The following ELAVL2 variants were observed in gnomAD, a reference collection of about 807,000 sequenced individuals.
ELAVL2 encodes ELAV-like protein 2.
A neutral mutation model predicts 34.6 loss-of-function variants in ELAVL2; 4 were observed. The ratio of observed to expected loss-of-function variants is 0.12; its 90% CI spans 0.06 to 0.26. The LOEUF is 0.26. Among genes scored for constraint, ELAVL2 ranks in the 10% least tolerant of loss-of-function variants. ELAVL2 has a pLI of 1.00. For missense variants in ELAVL2, 432 were observed against 442.8 expected, an observed-to-expected ratio of 0.98 and a Z score of 0.22; for synonymous variants, 193 against 154.8, an observed-to-expected ratio of 1.25 and a Z score of -1.83.
At chr9:23,789,042 C>T (rs2060035739) in intron 1 of ELAVL2, among the ~76,000 whole-genome samples, 1 of 152,200 alleles carries the variant, frequency 6.6e-6, no homozygotes, top group Non-Finnish European at 1.5e-5. Flanking sequence ...CCAACGGCTT[C>T]TGTATTCTTA....
intron 5 of ELAVL2, among the ~76,000 whole-genome samples, chr9:23,695,274 G>T (rs557652532): frequency 6.6e-6 from 1 of 152,110 alleles, no homozygotes; most frequent in African/African-American, 2.4e-5. Flanking sequence ...GAAGAGAACC[G>T]CATACTGAGG....
chr9:23,802,373 T>C (rs576888263), intron 1 of ELAVL2, among the ~76,000 whole-genome samples: 1 of 152,302 alleles, frequency 6.6e-6, no homozygotes, highest in African/African-American at 2.4e-5. Flanking sequence ...GCCCCAAGAC[T>C]TGGCCAAACT....
At chr9:23,726,455 A>C (rs761315795) in intron 3 of ELAVL2, among the ~76,000 whole-genome samples, 9 of 152,088 alleles carry the variant, frequency 5.9e-5, no homozygotes, top group Non-Finnish European at 1.0e-4. Flanking sequence ...TTCTAGACAG[A>C]ATTTTTTTTT....
chr9:23,765,471 A>C (rs1034745930), intron 1 of ELAVL2, among the ~76,000 whole-genome samples: 1 of 152,140 alleles, frequency 6.6e-6, no homozygotes, highest in Non-Finnish European at 1.5e-5. Context: ...ATGTGAATGA[A>C]ATTTTATAGT....
intron 3 of ELAVL2, among the ~76,000 whole-genome samples, chr9:23,729,060 C>A (rs2045929978): frequency 1.3e-5 from 2 of 152,260 alleles, no homozygotes; most frequent in South Asian, 4.1e-4. Flanking sequence ...GGATGATGAA[C>A]AGTAAGGAAG....
intron 4 of ELAVL2, 121 bp from the exon 5 acceptor site, chr9:23,701,725 C>A (rs1488673437): frequency 2.0e-6 from 2 of 1,019,074 alleles, no homozygotes; most frequent in Non-Finnish European, 2.9e-6. Flanking sequence ...TATAACATTT[C>A]CCACAAAATC....
chr9:23,754,350 CTT>C (rs1371032638), intron 2 of ELAVL2, among the ~76,000 whole-genome samples: 1 of 152,072 alleles, frequency 6.6e-6, no homozygotes, highest in African/African-American at 2.4e-5. Flanking sequence ...AGAAGCAGCT[CTT>C]TGATTTATGA....
intron 3 of ELAVL2, among the ~76,000 whole-genome samples, chr9:23,719,425 A>G (rs1431161095): frequency 6.6e-6 from 1 of 152,222 alleles, no homozygotes; most frequent in Non-Finnish European, 1.5e-5. Context: ...CATATACTGT[A>G]GACAATGCAT....
chr9:23,744,715 T>G (rs2050085440), intron 2 of ELAVL2, among the ~76,000 whole-genome samples: 1 of 152,022 alleles, frequency 6.6e-6, no homozygotes, highest in Non-Finnish European at 1.5e-5. Flanking sequence ...TATACTATTT[T>G]GGGCTTCTTT....
intron 1 of ELAVL2, among the ~76,000 whole-genome samples, chr9:23,770,285 A>G (rs937799004): frequency 2.0e-5 from 3 of 152,140 alleles, no homozygotes; most frequent in African/African-American, 4.8e-5. Flanking sequence ...CCAGCATTAA[A>G]CAAGCAGGCC....
upstream of ELAVL2, among the ~76,000 whole-genome samples, chr9:23,827,333 A>G (rs1435240552): frequency 1.3e-5 from 2 of 152,186 alleles, no homozygotes; most frequent in African/African-American, 4.8e-5. Flanking sequence ...CCATATTTTA[A>G]CAGCATTCAG....
At chr9:23,736,381 A>C (rs2047893268) in intron 2 of ELAVL2, among the ~76,000 whole-genome samples, 1 of 152,222 alleles carries the variant, frequency 6.6e-6, no homozygotes, top group African/African-American at 2.4e-5. Flanking sequence ...AAAGGAGAAA[A>C]AGATCTTTCT....
intron 2 of ELAVL2, among the ~76,000 whole-genome samples, chr9:23,752,609 C>T (rs1051186208): frequency 2.0e-5 from 3 of 152,010 alleles, no homozygotes; most frequent in African/African-American, 7.2e-5. Flanking sequence ...CACCCAGCAC[C>T]AAGTCTAGCT....
chr9:23,711,036 T>C (rs1477768716), intron 3 of ELAVL2, among the ~76,000 whole-genome samples: 2 of 152,176 alleles, frequency 1.3e-5, no homozygotes, highest in African/African-American at 4.8e-5. Context: ...CATCAAGGCA[T>C]ACATGTATCA....
chr9:23,752,319 G>C (rs1273413667), intron 2 of ELAVL2, among the ~76,000 whole-genome samples: 2 of 152,138 alleles, frequency 1.3e-5, no homozygotes, highest in African/African-American at 4.8e-5. Context: ...AAAGCTCTAA[G>C]ATTAGTGTCC....
intron 3 of ELAVL2, among the ~76,000 whole-genome samples, chr9:23,708,033 GGTCA>G (rs1392525763): frequency 6.7e-6 from 1 of 148,518 alleles, no homozygotes; most frequent in Middle Eastern, 3.5e-3. Flanking sequence ...AACATACCTA[GGTCA>G]GTTATGTGAT....
At chr9:23,769,063 T>C (rs1018122980) in intron 1 of ELAVL2, among the ~76,000 whole-genome samples, 2 of 152,088 alleles carry the variant, frequency 1.3e-5, no homozygotes, top group African/African-American at 4.8e-5. Flanking sequence ...ACCCTGAGTA[T>C]TCAAACACAG....
chr9:23,762,145 G>C lies in ELAVL2; in HGVS notation c.90C>G (p.Asp30Glu). ...TCTTGCTGTCTTCTGTGTTCCCAGA[G>C]TCAACTGGTGACGAACAGTTGTTGT... Reference protein sequence around the residue: ...TINNNCSSPVDSGNTEDSKTN... With the variant: ...TINNNCSSPVESGNTEDSKTN... The change falls in exon 2 of 7, where the codon GAC (aspartate) becomes GAG (glutamate). Residue 30 changes from aspartate to glutamate, a missense_variant. By Grantham distance (45) the Asp-to-Glu change is conservative. This residue lies in a region of ELAVL2 where 132 missense variants were observed against 118.3 expected (regional missense o/e 1.12). Transcript: ENST00000397312. 1 of 1,613,616 alleles carries C rather than the reference G, an allele frequency of 6.2e-7. No homozygotes were observed. Among genetic ancestry groups the C allele is most frequent in the Non-Finnish European group, 8.5e-7 (1 of 1,179,638 alleles).
chr9:23,756,953 G>A (rs1276093309), intron 2 of ELAVL2, among the ~76,000 whole-genome samples: 2 of 152,088 alleles, frequency 1.3e-5, no homozygotes, highest in African/African-American at 2.4e-5. Context: ...TCCAATGCGG[G>A]AATCCTGTGA....
Sources: allele counts gnomAD v4.1 joint callset (sites outside exome capture counted in the v4.1 genomes callset), GRCh38; gene constraint gnomAD v4.1.1; regional missense constraint gnomAD v4.1.1; transcripts MANE v1.5; gene names NCBI Gene and HGNC (gene_info 2026-07-23, HGNC 2026-07-21).